The following ASPRV1 variants were observed in gnomAD, a reference collection of about 807,000 sequenced individuals.
ASPRV1 encodes the protein retroviral-like aspartic protease 1.
Under a neutral mutation model 11.0 loss-of-function variants are expected in ASPRV1, and 7 were observed. That is an observed-to-expected ratio of 0.64 (90% CI 0.36 to 1.20). The LOEUF is 1.20. Ranked by LOEUF, ASPRV1 falls within the 50% of genes most tolerant of loss-of-function variation. ASPRV1 has a pLI of 0.02. For missense variants in ASPRV1, 299 were observed against 320.0 expected, an observed-to-expected ratio of 0.93 and a Z score of 0.50; for synonymous variants, 136 against 138.4, an observed-to-expected ratio of 0.98 and a Z score of 0.12.
At chr2:69,936,502 T>A in the ASPRV1 span, among the ~76,000 whole-genome samples, 1 of 152,192 alleles carries the variant, frequency 6.6e-6, no homozygotes, top group Non-Finnish European at 1.5e-5. Flanking sequence ...GTTTGTATAA[T>A]CATATTATAG....
At chr2:69,985,183 C>A in the ASPRV1 span, among the ~76,000 whole-genome samples, 2 of 152,166 alleles carry the variant, frequency 1.3e-5, no homozygotes, top group South Asian at 2.1e-4. Context: ...GGCTTCCAAA[C>A]CTACGCTCTT....
the ASPRV1 span, among the ~76,000 whole-genome samples, chr2:70,006,616 A>T: frequency 2.6e-4 from 39 of 152,122 alleles, no homozygotes. Flanking sequence ...GCCAGATAGG[A>T]TTCAGAGCTG....
downstream of ASPRV1, among the ~76,000 whole-genome samples, chr2:69,957,477 C>G (rs762833963): frequency 8.0e-5 from 12 of 150,912 alleles, no homozygotes; most frequent in Non-Finnish European, 4.4e-5. Flanking sequence ...GTCTGGGGAA[C>G]TGGCATGCAT....
At chr2:69,935,953 G>A in the ASPRV1 span, among the ~76,000 whole-genome samples, 1 of 152,014 alleles carries the variant, frequency 6.6e-6, no homozygotes, top group Non-Finnish European at 1.5e-5. Flanking sequence ...CTGTCACCTG[G>A]TCTGCCCCAG....
chr2:70,057,245 A>AAAAG, the ASPRV1 span, among the ~76,000 whole-genome samples: 6 of 152,034 alleles, frequency 3.9e-5, no homozygotes, highest in African/African-American at 9.7e-5. Flanking sequence ...CTATTAAAAA[A>AAAAG]AAAGAAAGAA....
the ASPRV1 span, among the ~76,000 whole-genome samples, chr2:70,064,872 A>G: frequency 6.6e-6 from 1 of 151,572 alleles, no homozygotes; most frequent in East Asian, 1.9e-4. Flanking sequence ...GGCAGGCGGA[A>G]CGTTTGAGGT....
chr2:70,011,458 T>C, the ASPRV1 span, among the ~76,000 whole-genome samples: 1 of 151,756 alleles, frequency 6.6e-6, no homozygotes, highest in Non-Finnish European at 1.5e-5. Context: ...TGGGAAAATG[T>C]TTAGGAGGCA....
the ASPRV1 span, among the ~76,000 whole-genome samples, chr2:70,028,230 T>C: frequency 8.5e-4 from 129 of 152,314 alleles, no homozygotes; most frequent in Non-Finnish European, 1.4e-3. Flanking sequence ...CAGATGAAGA[T>C]ACTGAGAACG....
chr2:70,037,147 C>T, the ASPRV1 span, among the ~76,000 whole-genome samples: 3 of 152,202 alleles, frequency 2.0e-5, no homozygotes, highest in Non-Finnish European at 2.9e-5. Context: ...AATTCAACTC[C>T]AGGAAACAAA....
the ASPRV1 span, among the ~76,000 whole-genome samples, chr2:69,948,025 T>C: frequency 6.6e-6 from 1 of 151,132 alleles, no homozygotes; most frequent in East Asian, 1.9e-4. Context: ...TAGCTTTGAA[T>C]CGGATGTTAC....
the ASPRV1 span, among the ~76,000 whole-genome samples, chr2:70,035,439 G>A: frequency 6.6e-6 from 1 of 151,970 alleles, no homozygotes; most frequent in Non-Finnish European, 1.5e-5. Context: ...GTGTGAGGCT[G>A]TGGGAAGACT....
At chr2:70,079,117 G>T in the ASPRV1 span, among the ~76,000 whole-genome samples, 2 of 152,172 alleles carry the variant, frequency 1.3e-5, no homozygotes, top group African/African-American at 4.8e-5. Context: ...GAGATGTTCT[G>T]AAGTTTTTTA....
At chr2:70,007,390 G>A in the ASPRV1 span, among the ~76,000 whole-genome samples, 11 of 152,098 alleles carry the variant, frequency 7.2e-5, 1 homozygote, top group Non-Finnish European at 2.9e-5. Context: ...GCGTGTTGGC[G>A]CATGCCTGTA....
the ASPRV1 span, chr2:69,994,088 A>C: frequency 1.3e-5 from 2 of 152,240 alleles, no homozygotes; most frequent in Non-Finnish European, 2.9e-5. Flanking sequence ...GCCAAGACTC[A>C]CTTGCACGTG....
chr2:69,939,379 G>A, the ASPRV1 span: 1 of 152,516 alleles, frequency 6.6e-6, no homozygotes, highest in East Asian at 1.9e-4. Context: ...GGAGGCTTTT[G>A]GGTTGATAGT....
At chr2:70,000,916 A>G in the ASPRV1 span, among the ~76,000 whole-genome samples, 1 of 152,112 alleles carries the variant, frequency 6.6e-6, no homozygotes, top group Non-Finnish European at 1.5e-5. Flanking sequence ...AAGTAATAAA[A>G]AGAGAAAAGG....
At chr2:69,956,479 A>AAGAAGAAGAAGAAGAAGAAGAAG (rs1558579534), downstream of ASPRV1, among the ~76,000 whole-genome samples, 30 of 132,048 alleles carry the variant, frequency 2.3e-4, 2 homozygotes, top group East Asian at 8.7e-4. Flanking sequence ...AGAAGAAGAA[A>AAGAAGAAGAAGAAGAAGAAGAAG]AGAGGAAGAA....
chr2:70,076,954 C>A, the ASPRV1 span, among the ~76,000 whole-genome samples: 1 of 152,132 alleles, frequency 6.6e-6, no homozygotes, highest in Non-Finnish European at 1.5e-5. Flanking sequence ...AATTGTAAGT[C>A]AAACCACTGT....
upstream of ASPRV1, chr2:69,962,937 A>G (rs367983175): frequency 1.4e-4 from 39 of 270,290 alleles, no homozygotes; most frequent in East Asian, 3.2e-3. Flanking sequence ...GTCACCAAAC[A>G]GGAGTGATTA....
Sources: allele counts gnomAD v4.1 joint callset (sites outside exome capture counted in the v4.1 genomes callset), GRCh38; gene constraint gnomAD v4.1.1; transcripts MANE v1.5; gene names NCBI Gene and HGNC (gene_info 2026-07-23, HGNC 2026-07-21).